PIK3C2A: variants seen among roughly 807,000 people sequenced by gnomAD.
The protein encoded by PIK3C2A is phosphatidylinositol 4-phosphate 3-kinase C2 domain-containing subunit alpha.
PIK3C2A carries 97 observed loss-of-function variants against 204.5 expected under a neutral mutation model. The observed-to-expected ratio is 0.47, with a 90% CI of 0.40 to 0.56. The LOEUF (loss-of-function observed/expected upper bound fraction) is 0.56, where lower values mean the gene tolerates loss of function less well. PIK3C2A is among the 20% of genes least tolerant of loss of function. PIK3C2A has a pLI of 0.00. For synonymous variants in PIK3C2A, 653 were observed against 664.4 expected (o/e 0.98, Z 0.26); for missense variants, 1,735 against 1,969.2 (o/e 0.88, Z 2.25).
chr11:17,131,793 A>T (rs1031098276), intron 12 of PIK3C2A, 123 bp downstream of exon 12: 2 of 781,336 alleles, frequency 2.6e-6, no homozygotes, highest in Non-Finnish European at 4.3e-6. Flanking sequence ...ATCTTAAGAC[A>T]TAAGTCAGAA....
At chr11:17,204,234 T>C (rs930500176) in intron 1 of PIK3C2A, 3 of 152,294 alleles carry the variant, frequency 2.0e-5, no homozygotes, top group African/African-American at 7.2e-5. Context: ...CTGTTCCAAA[T>C]TGAGATGTAC....
At chr11:17,187,414 C>A (rs1851789713) in intron 1 of PIK3C2A, among the ~76,000 whole-genome samples, 1 of 152,018 alleles carries the variant, frequency 6.6e-6, no homozygotes, top group Non-Finnish European at 1.5e-5. Context: ...ATGAAATTTA[C>A]CCTTTTAAAG....
chr11:17,152,121 T>A (rs1850441914), intron 3 of PIK3C2A, among the ~76,000 whole-genome samples: 1 of 152,164 alleles, frequency 6.6e-6, no homozygotes, highest in African/African-American at 2.4e-5. Flanking sequence ...GCATTTCCCT[T>A]TCTTAAAATA....
chr11:17,129,909 A>G (rs958327491), intron 12 of PIK3C2A, among the ~76,000 whole-genome samples: 3 of 152,240 alleles, frequency 2.0e-5, no homozygotes, highest in Non-Finnish European at 2.9e-5. Flanking sequence ...AATACTGAGT[A>G]ACCTTTAGCT....
At chr11:17,118,232 C>T (rs528501019) in intron 18 of PIK3C2A, among the ~76,000 whole-genome samples, 3 of 151,924 alleles carry the variant, frequency 2.0e-5, no homozygotes, top group East Asian at 1.9e-4. Context: ...CCACCATGTT[C>T]GGCTAATTTT....
chr11:17,147,461 T>G, intron 6 of PIK3C2A, 56 bp downstream of exon 6: 1 of 978,692 alleles, frequency 1.0e-6, no homozygotes, highest in Admixed American at 1.9e-5. Context: ...ATTGGCAAAT[T>G]AGCAGAATTA....
At position 17,192,303 on chromosome 11, in the gene PIK3C2A, TCAGAA is replaced by T. The variant is rs1360853171; in HGVS notation, c.-66+15540_-66+15544del. ...ATCCAACATTGTGGGTCAATCTAAATCAGAACAGGAGACTTAATTTAACAAGCTGA... is the reference window on the plus strand; with the variant it reads ...ATCCAACATTGTGGGTCAATCTAAATCAGGAGACTTAATTTAACAAGCTGA... On this transcript the variant is annotated intron_variant, in intron 1 of 32. Coordinates refer to ENST00000691414, the MANE Select transcript of PIK3C2A (RefSeq NM_002645.4). Among the ~76,000 whole-genome samples, 4 of 152,290 alleles carry T rather than the reference TCAGAA, an allele frequency of 2.6e-5. No homozygotes were observed. The South Asian group carries it at 6.2e-4, about 24-fold the overall frequency.
rs1254209983 is a variant in PIK3C2A at position 17,119,224 on chromosome 11, A to G, written c.2936T>C (p.Val979Ala). The G allele has an allele frequency of 6.4e-7, 1 of 1,574,310 alleles. No homozygotes were observed. The highest frequency in any genetic ancestry group is 8.7e-7 in the Non-Finnish European group (1 of 1,145,526). The change falls in exon 17 of 33, where the codon GTA (valine) becomes GCA (alanine). Residue 979 changes from valine (V) to alanine (A), a missense_variant. By Grantham distance (64) the Val-to-Ala change is moderately conservative (BLOSUM62 0). Around this residue, in one of 6 missense-constraint regions of PIK3C2A, gnomAD observed 567 missense variants for 576.0 expected, o/e 0.98. Coordinates refer to ENST00000691414, the MANE Select transcript of PIK3C2A (RefSeq NM_002645.4). ...DELTDLLPQF[V>A]QALKYEIYLN... ...GTAATCTAGTAAAAAACTCACTTGT[A>G]CAAACTGTGGAAGAAGATCTGTTAG...
intron 24 of PIK3C2A, among the ~76,000 whole-genome samples, chr11:17,102,345 G>A (rs1278511464): frequency 1.3e-5 from 2 of 152,186 alleles, no homozygotes; most frequent in African/African-American, 2.4e-5. Context: ...GCTGAGGCAG[G>A]AGAATGGCGT....
At chr11:17,151,602 G>A (rs1031989590) in intron 3 of PIK3C2A, among the ~76,000 whole-genome samples, 18 of 152,138 alleles carry the variant, frequency 1.2e-4, no homozygotes, top group African/African-American at 4.3e-4. Context: ...CTACTTATTA[G>A]CTGTGTGAAC....
At chr11:17,164,115 T>C (rs1307869368) in intron 2 of PIK3C2A, among the ~76,000 whole-genome samples, 2 of 152,100 alleles carry the variant, frequency 1.3e-5, no homozygotes, top group Non-Finnish European at 2.9e-5. Flanking sequence ...TCCTGAAAAC[T>C]ACAGTCTTCT....
At chr11:17,191,272 G>A (rs1034326578) in intron 1 of PIK3C2A, among the ~76,000 whole-genome samples, 1 of 152,162 alleles carries the variant, frequency 6.6e-6, no homozygotes, top group East Asian at 1.9e-4. Flanking sequence ...TCTGGCCAGG[G>A]TTGGCCAACC....
intron 28 of PIK3C2A, 42 bp from the exon 29 acceptor site, chr11:17,092,318 C>A: frequency 1.2e-6 from 1 of 854,088 alleles, no homozygotes; most frequent in East Asian, 2.4e-5. Flanking sequence ...TAAATAAGTA[C>A]AATATTTCCT....
chr11:17,145,588 C>T, intron 8 of PIK3C2A, 80 bp downstream of exon 8: 2 of 794,144 alleles, frequency 2.5e-6, no homozygotes, highest in Non-Finnish European at 2.1e-6. Context: ...ATATTTAATC[C>T]AATGCCAACA....
intron 1 of PIK3C2A, among the ~76,000 whole-genome samples, chr11:17,186,868 CA>C (rs1228101855): frequency 6.6e-6 from 1 of 152,162 alleles, no homozygotes; most frequent in African/African-American, 2.4e-5. Flanking sequence ...AATTGAAGCC[CA>C]GGAGTTCAAG....
At chr11:17,122,601 T>C in intron 14 of PIK3C2A, 101 bp downstream of exon 14, 1 of 672,418 alleles carries the variant, frequency 1.5e-6, no homozygotes. Context: ...TAAAACAAGA[T>C]CAGTTAGGTT....
intron 13 of PIK3C2A, 81 bp from the exon 14 acceptor site, chr11:17,122,894 A>C: frequency 1.5e-6 from 1 of 647,648 alleles, no homozygotes; most frequent in Non-Finnish European, 2.7e-6. Context: ...TGAATTTGAA[A>C]AGTTAGTATG....
At chr11:17,177,656 T>C (rs1851381609) in intron 1 of PIK3C2A, among the ~76,000 whole-genome samples, 1 of 152,198 alleles carries the variant, frequency 6.6e-6, no homozygotes, top group Non-Finnish European at 1.5e-5. Flanking sequence ...ATATCTCTAC[T>C]GATTCATGGA....
chr11:17,125,522 G>T (rs1849493267), intron 13 of PIK3C2A, among the ~76,000 whole-genome samples: 1 of 150,566 alleles, frequency 6.6e-6, no homozygotes, highest in Non-Finnish European at 1.5e-5. Context: ...GATTTTCACT[G>T]TTTTTTTTTG....
Sources: gnomAD v4.1 joint callset for allele counts (sites outside exome capture counted in the v4.1 genomes callset) on GRCh38, gnomAD v4.1.1 for gene constraint, gnomAD v4.1.1 regional missense constraint, MANE v1.5 for transcripts, NCBI Gene and HGNC (gene_info 2026-07-23, HGNC 2026-07-21) for gene names.